The following CYTH2 variants were observed in gnomAD, a reference collection of about 807,000 sequenced individuals.
CYTH2 encodes the protein cytohesin-2.
CYTH2 carries 24 observed loss-of-function variants against 55.4 expected under a neutral mutation model. That is an observed-to-expected ratio of 0.43 (90% CI 0.31 to 0.61). The LOEUF (loss-of-function observed/expected upper bound fraction) is 0.61. Among genes scored for constraint, CYTH2 ranks in the 20% least tolerant of loss-of-function variants. The pLI is 0.08. For missense variants in CYTH2, 378 were observed against 533.5 expected (o/e 0.71, Z 2.87); for synonymous variants, 221 against 209.6 (o/e 1.05, Z -0.47).
intron 3 of CYTH2, 60 bp downstream of exon 3, chr19:48,470,729 ACCTCCGGGTTCCAGAAGCGTGATGGTG>A: frequency 1.3e-6 from 2 of 1,598,010 alleles, no homozygotes; most frequent in Non-Finnish European, 1.7e-6. Flanking sequence ...GGCTTCTGGC[ACCTCCGGGTTCCAGAAGCGTGATGGTG>A]CCGGGTCTAT....
chr19:48,469,817 C>T, intron 1 of CYTH2: 1 of 591,524 alleles, frequency 1.7e-6, no homozygotes, highest in Non-Finnish European at 3.0e-6. Flanking sequence ...GGCGGGCGAG[C>T]CCAGCGCCTG....
At chr19:48,470,777 C>A in intron 3 of CYTH2, 108 bp downstream of exon 3, 1 of 1,228,066 alleles carries the variant, frequency 8.1e-7, no homozygotes, top group Non-Finnish European at 1.2e-6. Flanking sequence ...TCTAGGTGGA[C>A]AGACTTGGTC....
Position 48,478,151 on chromosome 19 carries a change from C to A in CYTH2, c.885+6C>A. 1 of 1,613,716 alleles carries A rather than the reference C, an allele frequency of 6.2e-7. No individual in the cohort carries two copies. The highest frequency in any genetic ancestry group is 1.7e-5 in the Admixed American group (1 of 60,002). The stretch of plus-strand genomic sequence containing the variant: ...ACTACTTTGAGTACACCACGGTGAG[C>A]GTGACCCGACCCGGGCTCTGGGGTC... On this transcript the variant is annotated splice_donor_region_variant and intron_variant, in intron 9 of 11. Coordinates refer to ENST00000452733, the MANE Select transcript of CYTH2 (RefSeq NM_004228.7).
At chr19:48,470,964 A>G (rs1318866217) in intron 3 of CYTH2, among the ~76,000 whole-genome samples, 2 of 152,114 alleles carry the variant, frequency 1.3e-5, no homozygotes, top group East Asian at 1.9e-4. Context: ...GGGGCTGTGG[A>G]CAAAGTGACA....
chr19:48,480,447 G>T lies in CYTH2; in HGVS notation c.*1237G>T, dbSNP rs527536803. 7.9e-5 allele frequency: 12 copies of T among 152,270 alleles called. No homozygotes were observed. Among genetic ancestry groups the T allele is most frequent in the Non-Finnish European group, 1.6e-4 (11 of 68,030 alleles). The allele number at this position is 152,270 out of a possible 1,614,324, so 9.4% of individuals were successfully genotyped here. A position where few individuals can be genotyped will look rare whatever the true frequency, so the allele number is the denominator to read the frequency against. On this transcript the variant is annotated 3_prime_UTR_variant, in exon 12 of 12. Transcript: ENST00000452733. ...GGGCTTTGATCCCTGTCCCGCCCTT[G>T]GCCACAGGCACCTGCCGGCCTGAAG...
At position 48,474,584 on chromosome 19, in the gene CYTH2, T is replaced by C. The variant is rs532163577; in HGVS notation, c.696+254T>C. ...GGCTGTTGGGCTTTCCGGCCCTCGA[T>C]TGGCCTCATTCCCCATCTGTCTGTT... On this transcript the variant is annotated intron_variant, in intron 7 of 11. Transcript: ENST00000452733. This position sits in a 1 kb window ranked among gnomAD's most constrained non-coding sequence, Gnocchi z 4.9. 2.0e-5 allele frequency among the ~76,000 whole-genome samples: 3 copies of C among 152,264 alleles called. No individual in the cohort carries two copies. Among genetic ancestry groups the C allele is most frequent in the South Asian group, 2.1e-4 (1 of 4,824 alleles).
In CYTH2 at chr19:48,474,169, C is replaced by G. The variant is rs769956837; in HGVS notation, c.548-13C>G. The G allele has an allele frequency of 1.5e-5, 23 of 1,577,890 alleles. No individual in the cohort carries two copies. The highest frequency in any genetic ancestry group is 3.4e-4 in the Middle Eastern group (2 of 5,890). On this transcript the variant is annotated splice_polypyrimidine_tract_variant and intron_variant, in intron 6 of 11. Coordinates refer to ENST00000452733, the MANE Select transcript of CYTH2 (RefSeq NM_004228.7). The surrounding 1 kb of genome is among the most constrained non-coding windows in gnomAD (Gnocchi z 4.9). ...CATGCCTGGGTCGTCACCACCTGCC[C>G]TGTCCGGTGCAGACACGTGCTATGT...
intron 5 of CYTH2, chr19:48,473,698 A>G (rs1971849550): frequency 1.7e-6 from 1 of 601,860 alleles, no homozygotes; most frequent in East Asian, 2.8e-5. Flanking sequence ...TAGCGAACTT[A>G]GCAGAAAGAG....
rs1304718903 is a variant in CYTH2 at position 48,480,326 on chromosome 19, CGCCTGTG to C, written c.*1120_*1126del. 6.6e-6 allele frequency: 1 copy of C among 152,224 alleles called. No individual in the cohort carries two copies. The highest frequency in any genetic ancestry group is 1.5e-5 in the Non-Finnish European group (1 of 68,046). 9.4% of individuals were successfully genotyped at this position (152,224 alleles called of 1,614,324 possible). A position where few individuals can be genotyped will look rare whatever the true frequency, so the allele number is the denominator to read the frequency against. On this transcript the variant is annotated 3_prime_UTR_variant, in exon 12 of 12. Coordinates refer to ENST00000452733, the MANE Select transcript of CYTH2 (RefSeq NM_004228.7). ...GGGACCGGGACGCGGGTGGGAGAGG[CGCCTGTG>C]GCCCCGAGGCGTGCCGCGAGTTGTA... is the stretch of plus-strand genomic sequence containing the variant.
Position 48,481,953 on chromosome 19 carries a change from T to C in CYTH2, c.*2743T>C, listed in dbSNP as rs1327878634. The C allele has an allele frequency of 1.3e-5, 2 of 152,398 alleles. No individual in the cohort carries two copies. The highest frequency in any genetic ancestry group is 4.8e-5 in the African/African-American group (2 of 41,406). The allele number at this position is 152,398 out of a possible 1,614,324, so 9.4% of individuals were successfully genotyped here. ...CTGTGTGGTCTTGGAGGTGGAGTCC[T>C]CATGGATAGATTAATGCCTGCCTTA... On this transcript the variant is annotated 3_prime_UTR_variant, in exon 12 of 12. Coordinates refer to ENST00000452733, the MANE Select transcript of CYTH2 (RefSeq NM_004228.7).
Position 48,481,850 on chromosome 19 carries a change from C to G in CYTH2, c.*2640C>G, listed in dbSNP as rs761895262. 1.3e-5 allele frequency: 2 copies of G among 152,404 alleles called. No homozygotes were observed. The highest frequency in any genetic ancestry group is 2.4e-5 in the African/African-American group (1 of 41,390). The allele number at this position is 152,404 out of a possible 1,614,324, so 9.4% of individuals were successfully genotyped here. ...TTTTGGGTGGCAATGGTTTGGATAT[C>G]GTTTGTCCTCACTAAAATTCATGTT... On this transcript the variant is annotated 3_prime_UTR_variant, in exon 12 of 12. Transcript: ENST00000452733.
chr19:48,470,312 GC>G, intron 1 of CYTH2, 40 bp from the exon 2 acceptor site: 1 of 1,558,226 alleles, frequency 6.4e-7, no homozygotes. Flanking sequence ...CAGGCTCACG[GC>G]CCCTAGCACT....
In CYTH2 at chr19:48,480,280, A is replaced by C. The variant is rs1189631225; in HGVS notation, c.*1070A>C. On this transcript the variant is annotated 3_prime_UTR_variant, in exon 12 of 12. Transcript: ENST00000452733. Reference sequence around the variant, plus strand: ...TTTGAAGCTGAGGCGCTCTTTAGTTAACAAACTACAAGTCCCAGCAGGGAC... The same window carrying C: ...TTTGAAGCTGAGGCGCTCTTTAGTTCACAAACTACAAGTCCCAGCAGGGAC... The C allele has an allele frequency of 6.6e-6, 1 of 152,218 alleles. No individual in the cohort carries two copies. The highest frequency in any genetic ancestry group is 2.4e-5 in the African/African-American group (1 of 41,458). The allele number at this position is 152,218 out of a possible 1,614,324, so 9.4% of individuals were successfully genotyped here.
intron 11 of CYTH2, 35 bp downstream of exon 11, chr19:48,478,627 G>T (rs1601029106): frequency 1.3e-6 from 2 of 1,503,546 alleles, no homozygotes; most frequent in African/African-American, 1.7e-5. Context: ...TGGAGGAGGG[G>T]CTGGGGCCTG....
intron 4 of CYTH2, chr19:48,472,718 C>T (rs2147505490): frequency 6.2e-6 from 3 of 482,772 alleles, no homozygotes; most frequent in Non-Finnish European, 1.2e-5. Flanking sequence ...GGGTAGAGAA[C>T]ATCTCTCAAG....
intron 4 of CYTH2, chr19:48,472,691 C>G: frequency 1.8e-6 from 1 of 546,660 alleles, no homozygotes; most frequent in Non-Finnish European, 3.4e-6. Flanking sequence ...GGGGAAGCAT[C>G]CATTTATGTC....
intron 8 of CYTH2, chr19:48,477,034 G>A (rs556024749): frequency 1.3e-5 from 2 of 152,346 alleles, no homozygotes; most frequent in Non-Finnish European, 2.9e-5. Context: ...CAGTTAGAGG[G>A]ACCCCTTCCT....
rs950216783 is a variant in CYTH2 at position 48,475,159 on chromosome 19, C to T, written c.808+210C>T. 1.1e-5 allele frequency: 6 copies of T among 544,712 alleles called. No individual in the cohort carries two copies. The Admixed American group carries it at 1.8e-4, about 16-fold the overall frequency. 33.7% of individuals were successfully genotyped at this position (544,712 alleles called of 1,614,324 possible). ...GGCCTGTAGTAAGTACTTCCCAACC[C>T]CTTCTCTTGACCCACAAATGTTGAT... On this transcript the variant is annotated intron_variant, in intron 8 of 11. Coordinates refer to ENST00000452733, the MANE Select transcript of CYTH2 (RefSeq NM_004228.7).
intron 1 of CYTH2, 58 bp downstream of exon 1, chr19:48,469,584 T>A: frequency 1.5e-6 from 2 of 1,323,182 alleles, no homozygotes; most frequent in Non-Finnish European, 1.9e-6. Context: ...CTCCTGAACG[T>A]TCCGCCGCGA....
Sources: gnomAD v4.1 joint callset for allele counts (sites outside exome capture counted in the v4.1 genomes callset) on GRCh38, gnomAD v4.1.1 for gene constraint, Gnocchi (gnomAD v3.1) non-coding constraint, MANE v1.5 for transcripts, NCBI Gene and HGNC (gene_info 2026-07-23, HGNC 2026-07-21) for gene names.